REC114: variants seen among roughly 807,000 people sequenced by gnomAD.
The protein encoded by REC114 is REC114 meiotic recombination protein, also known as meiotic recombination protein REC114.
REC114 carries 27 observed loss-of-function variants against 31.3 expected under a neutral mutation model. The observed-to-expected ratio is 0.86, with a 90% CI of 0.64 to 1.19. The LOEUF (loss-of-function observed/expected upper bound fraction) is 1.19, where lower values mean the gene tolerates loss of function less well. Among genes scored for constraint, REC114 ranks in the 50% most tolerant of loss-of-function variants. REC114 has a pLI of 0.00. For missense variants in REC114, 344 were observed against 326.9 expected (o/e 1.05, Z -0.40); for synonymous variants, 134 against 127.7 (o/e 1.05, Z -0.33).
intron 2 of REC114, among the ~76,000 whole-genome samples, chr15:73,526,526 T>A (rs1894010628): frequency 6.6e-6 from 1 of 152,192 alleles, no homozygotes; most frequent in South Asian, 2.1e-4. Flanking sequence ...ATCTCTAACT[T>A]ATCACAGTCT....
intron 1 of REC114, among the ~76,000 whole-genome samples, chr15:73,450,659 C>T (rs1197178053): frequency 6.6e-6 from 1 of 152,202 alleles, no homozygotes; most frequent in Non-Finnish European, 1.5e-5. Flanking sequence ...CAGAACTCTC[C>T]ACCCCAAATC....
At chr15:73,462,884 C>CAAAAAAAAAAAAAAAAAAAAAAAAAA (rs769569268) in intron 1 of REC114, among the ~76,000 whole-genome samples, 2 of 55,658 alleles carry the variant, frequency 3.6e-5, no homozygotes, top group African/African-American at 1.4e-4. Flanking sequence ...GACTCCGTCT[C>CAAAAAAAAAAAAAAAAAAAAAAAAAA]AAAAAAAAAA....
Position 73,443,165 on chromosome 15 carries a change from G to C in REC114, c.-21G>C. 1 of 1,540,192 alleles carries C rather than the reference G, an allele frequency of 6.5e-7. No individual in the cohort carries two copies. The highest frequency in any genetic ancestry group is 1.4e-5 in the African/African-American group (1 of 73,294). ...CCAGATTGGCAGGTCCCCGCCGGCA[G>C]TGCGTGTGGTGAGGCAGGACATGGC... On this transcript the variant is annotated 5_prime_UTR_variant, in exon 1 of 6. Transcript: ENST00000331090.
intron 2 of REC114, among the ~76,000 whole-genome samples, chr15:73,511,440 T>C (rs1893767520): frequency 6.6e-6 from 1 of 152,180 alleles, no homozygotes; most frequent in East Asian, 1.9e-4. Context: ...TGTCTCTATT[T>C]CCTTCAGTTC....
At chr15:73,521,716 G>A (rs1311619807) in intron 2 of REC114, among the ~76,000 whole-genome samples, 1 of 152,134 alleles carries the variant, frequency 6.6e-6, no homozygotes, top group Non-Finnish European at 1.5e-5. Context: ...TTGATTGGAT[G>A]AAATGCACAA....
At chr15:73,517,425 AAAG>A (rs1275785149) in intron 2 of REC114, among the ~76,000 whole-genome samples, 1 of 152,240 alleles carries the variant, frequency 6.6e-6, no homozygotes, top group Non-Finnish European at 1.5e-5. Flanking sequence ...TTTAGTAAAT[AAAG>A]AAGATGACAG....
At chr15:73,474,319 C>A (rs868498824) in intron 2 of REC114, among the ~76,000 whole-genome samples, 3 of 152,218 alleles carry the variant, frequency 2.0e-5, no homozygotes, top group African/African-American at 7.2e-5. Context: ...TAATTGATAG[C>A]GTCCTCTATA....
intron 2 of REC114, chr15:73,483,207 G>T (rs1189080877): frequency 6.5e-6 from 1 of 153,010 alleles, no homozygotes; most frequent in South Asian, 1.9e-4. Flanking sequence ...TATTTTCTTT[G>T]AGTACTTCTG....
At chr15:73,457,411 C>A (rs1325139652) in intron 1 of REC114, among the ~76,000 whole-genome samples, 1 of 152,066 alleles carries the variant, frequency 6.6e-6, no homozygotes, top group South Asian at 2.1e-4. Context: ...GAGTTCTTCC[C>A]TTCGTACAGG....
chr15:73,464,939 T>G (rs1893037267), intron 1 of REC114, among the ~76,000 whole-genome samples: 1 of 152,192 alleles, frequency 6.6e-6, no homozygotes, highest in African/African-American at 2.4e-5. Context: ...TTGCCCAGTC[T>G]GGAGTGCAAT....
At chr15:73,505,156 A>C (rs1893657732) in intron 2 of REC114, among the ~76,000 whole-genome samples, 1 of 152,128 alleles carries the variant, frequency 6.6e-6, no homozygotes, top group South Asian at 2.1e-4. Context: ...TGTGCACAGC[A>C]CCTAAAATGT....
At chr15:73,471,988 A>G (rs1280334) in intron 1 of REC114, among the ~76,000 whole-genome samples, 152,312 of 152,326 alleles carry the variant, frequency 1, 76,149 homozygotes, top group Non-Finnish European at 1. Flanking sequence ...ATTTTAAGAC[A>G]GCAAACACTA....
At chr15:73,477,426 A>C (rs530549310) in intron 2 of REC114, among the ~76,000 whole-genome samples, 1 of 151,886 alleles carries the variant, frequency 6.6e-6, no homozygotes, top group East Asian at 1.9e-4. Flanking sequence ...TTGCAAAGTC[A>C]TTTTTTTTGA....
rs200677035 is a variant in REC114, at chr15:73,559,765, C to T, written c.650C>T (p.Ser217Leu). ...LTQLAQTLLA[S>L]EELPHVYEQS... is the part of the protein sequence containing the mutation. Reference sequence around the variant, plus strand: ...GTATCCCTGCAGACTCTTCTGGCATCGGAGGAGCTGCCCCATGTCTATGAA... The same window carrying T: ...GTATCCCTGCAGACTCTTCTGGCATTGGAGGAGCTGCCCCATGTCTATGAA... Residue 217 changes from serine to leucine, a missense_variant, in exon 6 of 6, where the codon TCG becomes TTG. Transcript: ENST00000331090. 54 of 1,570,282 alleles carry T rather than the reference C, an allele frequency of 3.4e-5. 1 individual carries two copies. The highest frequency in any genetic ancestry group is 3.4e-4 in the Middle Eastern group (2 of 5,932).
At chr15:73,547,043 C>G (rs1894318748) in intron 3 of REC114, among the ~76,000 whole-genome samples, 1 of 152,016 alleles carries the variant, frequency 6.6e-6, no homozygotes, top group South Asian at 2.1e-4. Flanking sequence ...TGTAGACAAC[C>G]AAAGCAAAAA....
intron 2 of REC114, among the ~76,000 whole-genome samples, chr15:73,490,173 A>G (rs1893424710): frequency 6.6e-6 from 1 of 152,174 alleles, no homozygotes; most frequent in African/African-American, 2.4e-5. Context: ...TTTTTTTCAA[A>G]GACAGAAAGT....
At chr15:73,553,957 CTG>C (rs1485386457) in intron 4 of REC114, among the ~76,000 whole-genome samples, 4 of 152,184 alleles carry the variant, frequency 2.6e-5, no homozygotes, top group African/African-American at 7.2e-5. Context: ...TTAGCCCCAT[CTG>C]TAAAATGGTG....
At chr15:73,514,226 CT>C (rs1462576107) in intron 2 of REC114, among the ~76,000 whole-genome samples, 2 of 151,468 alleles carry the variant, frequency 1.3e-5, no homozygotes, top group Admixed American at 6.6e-5. Flanking sequence ...TCCGTCACCC[CT>C]TTCTTTGACT....
intron 2 of REC114, among the ~76,000 whole-genome samples, chr15:73,531,349 C>G (rs1894079697): frequency 6.6e-6 from 1 of 151,958 alleles, no homozygotes; most frequent in Non-Finnish European, 1.5e-5. Context: ...GTACTTTTCT[C>G]CCTTTCGTTG....
Sources: gnomAD v4.1 joint callset for allele counts (sites outside exome capture counted in the v4.1 genomes callset) on GRCh38, gnomAD v4.1.1 for gene constraint, MANE v1.5 for transcripts, NCBI Gene and HGNC (gene_info 2026-07-23, HGNC 2026-07-21) for gene names.